GPR135: variants seen among roughly 807,000 people sequenced by gnomAD.
The protein encoded by GPR135 is G-protein coupled receptor 135.
GPR135 carries 17 observed loss-of-function variants against 15.0 expected under a neutral mutation model. The observed-to-expected ratio is 1.13, with a 90% CI of 0.78 to 1.70. The LOEUF (loss-of-function observed/expected upper bound fraction) is 1.70. GPR135 is among the 40% of genes most tolerant of loss of function. GPR135 has a pLI of 0.00. For missense variants in GPR135, 776 were observed against 727.0 expected (o/e 1.07, Z -0.78); for synonymous variants, 368 against 349.4 (o/e 1.05, Z -0.59).
chr14:59,463,847 C>A lies in GPR135; in HGVS notation c.1380G>T (p.Trp460Cys), dbSNP rs1346439980. The A allele has an allele frequency of 6.2e-7, 1 of 1,614,032 alleles. No homozygotes were observed. The highest frequency in any genetic ancestry group is 8.5e-7 in the Non-Finnish European group (1 of 1,179,996). Reference protein sequence around the residue: ...ASGVAGDVAMWARKNPVVLFC... With the variant: ...ASGVAGDVAMCARKNPVVLFC... ...AAAGTACAACTGGATTTTTGCGGGCCCACATGGCCACGTCCCCTGCCACTC... is the reference window on the plus strand; with the variant it reads ...AAAGTACAACTGGATTTTTGCGGGCACACATGGCCACGTCCCCTGCCACTC... Residue 460 changes from tryptophan to cysteine, a missense_variant, in exon 1 of 1, where the codon TGG becomes TGT. Transcript: ENST00000395116.
rs1390526304 is a variant in GPR135 at position 59,464,386 on chromosome 14, G to A, written c.841C>T (p.Leu281=). The A allele has an allele frequency of 1.9e-6, 3 of 1,604,120 alleles. No homozygotes were observed. The African/African-American group carries it at 4.0e-5, about 21-fold the overall frequency. The change falls in exon 1 of 1, where the codon CTG becomes TTG. Residue 281 remains leucine, a synonymous_variant. Transcript: ENST00000395116. ...AQLGAAFSVG[L]VVACYLLPFL... ...GGCAGCAGGTAGCAGGCCACCACCAGCCCCACGCTGAAGGCCGCGCCCAGC... is the reference window on the plus strand; with the variant it reads ...GGCAGCAGGTAGCAGGCCACCACCAACCCCACGCTGAAGGCCGCGCCCAGC...
At position 59,464,993 on chromosome 14, in the gene GPR135, C is replaced by T. The variant is rs775956082; in HGVS notation, c.234G>A (p.Ala78=). The stretch of plus-strand genomic sequence containing the variant: ...GCCTCACCGCCGCCCCCGCCTCCCG[C>T]GCTGCCCCGGACCCGCCAAGGCCGC... ...GGGGLGGSGA[A]REAGAAVRRP... is the part of the protein sequence containing the mutation. The change falls in exon 1 of 1, where the codon GCG becomes GCA. Residue 78 remains alanine (A), a synonymous_variant. Transcript: ENST00000395116. The T allele has an allele frequency of 1.4e-6, 2 of 1,434,002 alleles. No individual in the cohort carries two copies. Among genetic ancestry groups the T allele is most frequent in the African/African-American group, 1.5e-5 (1 of 66,650 alleles). The allele number at this position is 1,434,002 out of a possible 1,614,324, so 88.8% of individuals were successfully genotyped here. A position where few individuals can be genotyped will look rare whatever the true frequency, so the allele number is the denominator to read the frequency against.
At position 59,464,695 on chromosome 14, in the gene GPR135, C is replaced by G; in HGVS notation, c.532G>C (p.Gly178Arg). ...GCGGCGCAGAAGCCGCGCCAGGGCC[C>G]CGCGGCGGCGGCAGGCGCCGAACCC... ...PGGSAPAAAA[G>R]PWRGFCAASR... is the part of the protein sequence containing the mutation. Residue 178 changes from glycine to arginine, a missense_variant, in exon 1 of 1, where the codon GGG becomes CGG. Gly to Arg is a moderately radical substitution (Grantham distance 125). Coordinates refer to ENST00000395116, the MANE Select transcript of GPR135 (RefSeq NM_022571.6). The G allele has an allele frequency of 6.3e-7, 1 of 1,575,424 alleles. No homozygotes were observed. The highest frequency in any genetic ancestry group is 8.6e-7 in the Non-Finnish European group (1 of 1,165,044).
chr14:59,465,001 C>G lies in GPR135; in HGVS notation c.226G>C (p.Gly76Arg), dbSNP rs1205978492. The change falls in exon 1 of 1, where the codon GGG becomes CGG. Residue 76 changes from glycine (G) to arginine (R), a missense_variant. Transcript: ENST00000395116. ...GCCGCCCCCGCCTCCCGCGCTGCCC[C>G]GGACCCGCCAAGGCCGCCGCCACCG... ...APGGGGLGGS[G>R]AAREAGAAVR... The G allele has an allele frequency of 4.3e-6, 6 of 1,392,178 alleles. No homozygotes were observed. Among genetic ancestry groups the G allele is most frequent in the Non-Finnish European group, 5.6e-6 (6 of 1,078,032 alleles). 86.2% of individuals were successfully genotyped at this position (1,392,178 alleles called of 1,614,324 possible).
chr14:59,462,279 AG>A lies in GPR135; in HGVS notation c.*1462del, dbSNP rs1888889143. 6.6e-6 allele frequency: 1 copy of A among 152,228 alleles called. No individual in the cohort carries two copies. The highest frequency in any genetic ancestry group is 6.5e-5 in the Admixed American group (1 of 15,286). The allele number at this position is 152,228 out of a possible 1,614,324, so 9.4% of individuals were successfully genotyped here. A position where few individuals can be genotyped will look rare whatever the true frequency, so the allele number is the denominator to read the frequency against. ...ATACTGAAGAAAAGGGGCAGGATGGAGGAAAAGAAAGGGAAAAATAATATTT... is the reference window on the plus strand; with the variant it reads ...ATACTGAAGAAAAGGGGCAGGATGGAGAAAAGAAAGGGAAAAATAATATTT... On this transcript the variant is annotated 3_prime_UTR_variant, in exon 1 of 1. Transcript: ENST00000395116.
chr14:59,453,950 A>G (rs1888570515), intron 6 of GPR135, among the ~76,000 whole-genome samples: 1 of 152,222 alleles, frequency 6.6e-6, no homozygotes, highest in South Asian at 2.1e-4. Context: ...ACCAAGAAAG[A>G]GTAAAAACAT....
downstream of GPR135, among the ~76,000 whole-genome samples, chr14:59,456,789 T>C (rs1888669527): frequency 6.6e-6 from 1 of 152,182 alleles, no homozygotes; most frequent in African/African-American, 2.4e-5. Context: ...GATATATCCA[T>C]ACAGTGGAAT....
chr14:59,464,518 C>T lies in GPR135; in HGVS notation c.709G>A (p.Ala237Thr), dbSNP rs772656205. Reference protein sequence around the residue: ...LQLLAGAWLTALGFSLPWELL... With the variant: ...LQLLAGAWLTTLGFSLPWELL... ...TCCCAGGGCAAGGAGAAGCCCAGGG[C>T]CGTCAGCCAGGCGCCCGCCAGCAGC... Residue 237 changes from alanine to threonine, a missense_variant, in exon 1 of 1, where the codon GCC becomes ACC. By Grantham distance (58) the Ala-to-Thr change is moderately conservative. Transcript: ENST00000395116. The T allele has an allele frequency of 1.3e-6, 2 of 1,538,036 alleles. No homozygotes were observed. Among genetic ancestry groups the T allele is most frequent in the South Asian group, 2.4e-5 (2 of 83,642 alleles).
At position 59,464,936 on chromosome 14, in the gene GPR135, C is replaced by T. The variant is rs1889076835; in HGVS notation, c.291G>A (p.Leu97=). ...GGGCCGCCACTGCAGCTCCGTGCGACAGCAGCGGCGCCGCCTCCGGGCCTA... is the reference window on the plus strand; with the variant it reads ...GGGCCGCCACTGCAGCTCCGTGCGATAGCAGCGGCGCCGCCTCCGGGCCTA... ...RPLGPEAAPL[L]SHGAAVAAQA... Residue 97 remains leucine (L), a synonymous_variant, in exon 1 of 1, where the codon CTG becomes CTA. Transcript: ENST00000395116. 3 of 1,566,674 alleles carry T rather than the reference C, an allele frequency of 1.9e-6. No individual in the cohort carries two copies. Among genetic ancestry groups the T allele is most frequent in the Admixed American group, 1.9e-5 (1 of 53,682 alleles).
chr14:59,452,793 G>A lies in GPR135; in HGVS notation c.*874+2891C>T, dbSNP rs116406252. Among the ~76,000 whole-genome samples the A allele has an allele frequency of 1.8e-3, 269 of 152,260 alleles. 1 individual carries two copies. The highest frequency in any genetic ancestry group is 6.2e-3 in the African/African-American group (258 of 41,552). ...ATAAATGTGCACACAGATGTTTATA[G>A]CAGCTTTATTAATAACTGCAAAATA... On this transcript the variant is annotated intron_variant and NMD_transcript_variant, in intron 6 of 6. Transcript: ENST00000481661.
downstream of GPR135, among the ~76,000 whole-genome samples, chr14:59,459,921 G>T (rs959968091): frequency 2.0e-5 from 3 of 152,200 alleles, no homozygotes; most frequent in African/African-American, 7.2e-5. Context: ...CATTATAATT[G>T]GAAAACATAG....
Position 59,464,132 on chromosome 14 carries a change from G to A in GPR135, c.1095C>T (p.Pro365=), listed in dbSNP as rs1315128744. The change falls in exon 1 of 1, where the codon CCC becomes CCT. Residue 365 remains proline, a synonymous_variant. Transcript: ENST00000395116. The stretch of plus-strand genomic sequence containing the variant: ...AGACGGCCACCACGCTGAGGAGCGA[G>A]GGGGCCTGCATGGTCTGGGCCTGCC... The part of the protein sequence containing the change: ...AARQAQTMQA[P]SLLSVVAVWL... The A allele has an allele frequency of 3.1e-6, 5 of 1,610,080 alleles. No individual in the cohort carries two copies. Among genetic ancestry groups the A allele is most frequent in the Non-Finnish European group, 3.4e-6 (4 of 1,179,834 alleles).
At chr14:59,457,723 C>T (rs558323469), downstream of GPR135, among the ~76,000 whole-genome samples, 10 of 151,824 alleles carry the variant, frequency 6.6e-5, no homozygotes, top group East Asian at 1.9e-3. Context: ...TTTCAACATG[C>T]CTTCTTTTAC....
At chr14:59,455,287 T>C (rs1888616406) in intron 6 of GPR135, among the ~76,000 whole-genome samples, 1 of 152,148 alleles carries the variant, frequency 6.6e-6, no homozygotes, top group African/African-American at 2.4e-5. Flanking sequence ...TTGATTCCCA[T>C]GTAGACCTCA....
In GPR135 at chr14:59,464,334, T is replaced by C. The variant is rs763535676; in HGVS notation, c.893A>G (p.Tyr298Cys). 6.2e-7 allele frequency: 1 copy of C among 1,610,520 alleles called. No individual in the cohort carries two copies. The highest frequency in any genetic ancestry group is 8.5e-7 in the Non-Finnish European group (1 of 1,178,670). ...CAGGCGCACCGTCTTGCAGATGTGG[T>C]AGTGGCAGAAGCACATGAGCAGGAA... ...LPFLLMCFCHYHICKTVRLSD... is the reference protein window; with the variant it reads ...LPFLLMCFCHCHICKTVRLSD... Residue 298 changes from tyrosine to cysteine, a missense_variant, in exon 1 of 1, where the codon TAC (tyrosine) becomes TGC (cysteine). By Grantham distance (194) the Tyr-to-Cys change is radical. Transcript: ENST00000395116.
At position 59,464,470 on chromosome 14, in the gene GPR135, G is replaced by C; in HGVS notation, c.757C>G (p.Leu253Val). 6.5e-7 allele frequency: 1 copy of C among 1,547,482 alleles called. No individual in the cohort carries two copies. Among genetic ancestry groups the C allele is most frequent in the East Asian group, 2.4e-5 (1 of 41,718 alleles). The change falls in exon 1 of 1, where the codon CTC becomes GTC. Residue 253 changes from leucine (L) to valine (V), a missense_variant. By Grantham distance (32) the Leu-to-Val change is conservative. Coordinates refer to ENST00000395116, the MANE Select transcript of GPR135 (RefSeq NM_022571.6). ...PWELLGAPRELAAAQSFHGCL... is the reference protein window; with the variant it reads ...PWELLGAPREVAAAQSFHGCL... ...CCGTGGAAGCTCTGCGCCGCCGCGA[G>C]TTCCCGGGGCGCCCCGAGCAGCTCC...
intron 6 of GPR135, among the ~76,000 whole-genome samples, chr14:59,453,833 C>T (rs768116025): frequency 6.6e-6 from 1 of 152,068 alleles, no homozygotes; most frequent in Non-Finnish European, 1.5e-5. Flanking sequence ...AAATTCATAT[C>T]GTGTACATAT....
Position 59,464,730 on chromosome 14 carries a change from G to T in GPR135, c.497C>A (p.Thr166Asn), listed in dbSNP as rs1476118136. Residue 166 changes from threonine (T) to asparagine (N), a missense_variant, in exon 1 of 1, where the codon ACT becomes AAT. Physicochemically the swap from Thr to Asn is moderately conservative, Grantham distance 65. Coordinates refer to ENST00000395116, the MANE Select transcript of GPR135 (RefSeq NM_022571.6). Reference sequence around the variant, plus strand: ...GGCAGGCGCCGAACCCCCGGGCGGAGTGAAGAGGTCCAGGAAGGCGGCGGG... The same window carrying T: ...GGCAGGCGCCGAACCCCCGGGCGGATTGAAGAGGTCCAGGAAGGCGGCGGG... ...CLPAAFLDLF[T>N]PPGGSAPAAA... 2.6e-6 allele frequency: 4 copies of T among 1,566,590 alleles called. No individual in the cohort carries two copies. In the South Asian group the frequency reaches 4.6e-5, roughly 18 times the overall value.
downstream of GPR135, among the ~76,000 whole-genome samples, chr14:59,458,159 C>G (rs1314722448): frequency 6.6e-6 from 1 of 152,156 alleles, no homozygotes; most frequent in Admixed American, 6.5e-5. Flanking sequence ...CTACAGTCAC[C>G]CTTGGAGAAC....
Sources: gnomAD v4.1 joint callset for allele counts (sites outside exome capture counted in the v4.1 genomes callset) on GRCh38, gnomAD v4.1.1 for gene constraint, MANE v1.5 for transcripts, NCBI Gene and HGNC (gene_info 2026-07-23, HGNC 2026-07-21) for gene names.